The following OSBPL10 variants were observed in gnomAD, a reference collection of about 807,000 sequenced individuals.
OSBPL10 encodes the protein oxysterol-binding protein-related protein 10.
A neutral mutation model predicts 81.7 loss-of-function variants in OSBPL10; 49 were observed. That is an observed-to-expected ratio of 0.60 (90% CI 0.48 to 0.76). The LOEUF (loss-of-function observed/expected upper bound fraction) is 0.76. Among genes scored for constraint, OSBPL10 ranks in the 30% least tolerant of loss-of-function variants. The pLI is 0.00. For missense variants in OSBPL10, 923 were observed against 987.8 expected, an observed-to-expected ratio of 0.93 and a Z score of 0.88; for synonymous variants, 419 against 383.6, an observed-to-expected ratio of 1.09 and a Z score of -1.08.
chr3:31,845,543 C>CT (rs1235741566), intron 3 of OSBPL10, among the ~76,000 whole-genome samples: 2 of 152,174 alleles, frequency 1.3e-5, no homozygotes, highest in African/African-American at 4.8e-5. Flanking sequence ...AAAAGTTAAA[C>CT]TAATGAATTC....
chr3:31,793,339 A>G (rs575321730), intron 4 of OSBPL10, among the ~76,000 whole-genome samples: 5 of 152,196 alleles, frequency 3.3e-5, no homozygotes, highest in Admixed American at 2.0e-4. Flanking sequence ...CAGGACCACA[A>G]TCAAGCACCC....
At chr3:31,877,799 TAC>T (rs1291011266) in intron 2 of OSBPL10, among the ~76,000 whole-genome samples, 4 of 152,204 alleles carry the variant, frequency 2.6e-5, no homozygotes, top group Admixed American at 6.5e-5. Flanking sequence ...AAGTCTGATT[TAC>T]AGTGTGTACC....
chr3:31,929,339 A>G (rs543969223), intron 1 of OSBPL10, among the ~76,000 whole-genome samples: 1 of 152,360 alleles, frequency 6.6e-6, no homozygotes, highest in South Asian at 2.1e-4. Flanking sequence ...ATTAGACAAG[A>G]AAAAAATTTA....
chr3:31,817,617 G>A (rs1699873038), intron 4 of OSBPL10, among the ~76,000 whole-genome samples: 2 of 152,140 alleles, frequency 1.3e-5, no homozygotes, highest in Admixed American at 1.3e-4. Flanking sequence ...AAGACCACAG[G>A]GAGGCTTGGA....
At position 32,063,301 on chromosome 3, in the gene OSBPL10, A is replaced by T. The variant is rs1699760959; in HGVS notation, n.185+14095T>A. Among the ~76,000 whole-genome samples the T allele has an allele frequency of 2.2e-5, 2 of 92,488 alleles. 1 individual carries two copies. Among genetic ancestry groups the T allele is most frequent in the African/African-American group, 5.6e-5 (2 of 35,928 alleles). The allele number at this position is 92,488 out of a possible 152,430, so 60.7% of individuals were successfully genotyped here. A position where few individuals can be genotyped will look rare whatever the true frequency, so the allele number is the denominator to read the frequency against. ...TGAACCACTTCCCATTTAATCCTGC[A>T]GTGGGACAGGTCAGGGATGGGGAAG... On this transcript the variant is annotated intron_variant and non_coding_transcript_variant, in intron 1 of 3. Coordinates refer to the OSBPL10 transcript ENST00000479173.
intron 8 of OSBPL10, among the ~76,000 whole-genome samples, chr3:31,680,590 T>C (rs1345927019): frequency 6.6e-6 from 1 of 152,180 alleles, no homozygotes; most frequent in Non-Finnish European, 1.5e-5. Flanking sequence ...TGCTGAGCAT[T>C]CTGAAGCAAC....
chr3:32,052,560 C>A (rs986995159), intron 1 of OSBPL10, among the ~76,000 whole-genome samples: 4 of 151,158 alleles, frequency 2.6e-5, no homozygotes, highest in Non-Finnish European at 4.4e-5. Flanking sequence ...AACCCAAATG[C>A]CCATCAAGAT....
At chr3:31,732,853 G>A (rs1043104399) in intron 6 of OSBPL10, 7 of 241,854 alleles carry the variant, frequency 2.9e-5, no homozygotes, top group Non-Finnish European at 4.8e-5. Flanking sequence ...TGCAGGAGTC[G>A]AGCATGTGAG....
chr3:31,799,467 C>T lies in OSBPL10; in HGVS notation c.729+30573G>A, dbSNP rs6790339. On this transcript the variant is annotated intron_variant, in intron 4 of 11. Coordinates refer to ENST00000396556, the MANE Select transcript of OSBPL10 (RefSeq NM_017784.5). Reference sequence around the variant, plus strand: ...GTCAATCAGCTGGTTTGAATATCAGCTCCACATTATCTACCTGACTTTGGG... The same window carrying T: ...GTCAATCAGCTGGTTTGAATATCAGTTCCACATTATCTACCTGACTTTGGG... Among the ~76,000 whole-genome samples the T allele has an allele frequency of 5.5e-3, 835 of 150,480 alleles. 12 individuals carry two copies. The highest frequency in any genetic ancestry group is 0.02 in the African/African-American group (810 of 40,976).
At chr3:31,937,593 C>A (rs1221937732) in intron 1 of OSBPL10, among the ~76,000 whole-genome samples, 1 of 152,116 alleles carries the variant, frequency 6.6e-6, no homozygotes, top group Non-Finnish European at 1.5e-5. Context: ...AAGCCCCTTC[C>A]TGCCCCCAGA....
At chr3:31,967,559 AAT>A (rs1698435314) in intron 1 of OSBPL10, among the ~76,000 whole-genome samples, 1 of 152,234 alleles carries the variant, frequency 6.6e-6, no homozygotes. Flanking sequence ...GGAAACAAGC[AAT>A]GTTTCCCACT....
intron 2 of OSBPL10, among the ~76,000 whole-genome samples, chr3:32,008,325 G>GTT (rs112826696): frequency 6.6e-6 from 1 of 150,926 alleles, no homozygotes; most frequent in East Asian, 2.0e-4. Flanking sequence ...GCTAATTTTT[G>GTT]TTTTTTTAGT....
At chr3:31,730,582 AT>A (rs1696945557) in intron 6 of OSBPL10, among the ~76,000 whole-genome samples, 4 of 152,196 alleles carry the variant, frequency 2.6e-5, no homozygotes, top group Non-Finnish European at 5.9e-5. Flanking sequence ...TCATTTTCAC[AT>A]TTAGTTAGTT....
intron 4 of OSBPL10, among the ~76,000 whole-genome samples, chr3:31,774,015 A>T (rs894048993): frequency 8.6e-5 from 13 of 151,898 alleles, no homozygotes; most frequent in Non-Finnish European, 1.8e-4. Flanking sequence ...TACAAAGATT[A>T]GCCGGGCGTG....
intron 6 of OSBPL10, among the ~76,000 whole-genome samples, chr3:31,705,677 C>T (rs1696041326): frequency 6.6e-6 from 1 of 152,208 alleles, no homozygotes; most frequent in Admixed American, 6.5e-5. Context: ...GTGCTGTTTT[C>T]CATAATCAGG....
chr3:31,781,345 A>C (rs1457756900), intron 4 of OSBPL10, among the ~76,000 whole-genome samples: 5 of 152,204 alleles, frequency 3.3e-5, no homozygotes, highest in Non-Finnish European at 1.5e-5. Flanking sequence ...ACAAACCCAC[A>C]GTCAACATTA....
intron 4 of OSBPL10, among the ~76,000 whole-genome samples, chr3:31,821,801 A>G (rs938675633): frequency 1.3e-5 from 2 of 152,330 alleles, no homozygotes; most frequent in East Asian, 1.9e-4. Context: ...GATTGTCTGT[A>G]TTCAATTCTG....
intron 1 of OSBPL10, among the ~76,000 whole-genome samples, chr3:31,902,707 C>A (rs930379685): frequency 2.6e-5 from 4 of 152,166 alleles, no homozygotes; most frequent in African/African-American, 4.8e-5. Context: ...GGACTACAGG[C>A]ACCCGCCACC....
chr3:31,716,691 G>C (rs1358941423), intron 6 of OSBPL10, among the ~76,000 whole-genome samples: 1 of 152,182 alleles, frequency 6.6e-6, no homozygotes, highest in Non-Finnish European at 1.5e-5. Context: ...TCCAAACACA[G>C]ACATATGGAC....
Sources: gnomAD v4.1 joint callset for allele counts (sites outside exome capture counted in the v4.1 genomes callset) on GRCh38, gnomAD v4.1.1 for gene constraint, MANE v1.5 for transcripts, NCBI Gene and HGNC (gene_info 2026-07-23, HGNC 2026-07-21) for gene names.